Variants in PACS1 observed in about 807,000 individuals in gnomAD.
PACS1 encodes phosphofurin acidic cluster sorting protein 1.
In PACS1, 24 loss-of-function variants were observed where a neutral mutation model predicts 115.0. That is an observed-to-expected ratio of 0.21 (90% CI 0.15 to 0.29). The LOEUF is 0.29. Ranked by LOEUF, PACS1 falls within the 10% of genes least tolerant of loss-of-function variation. PACS1 has a pLI of 1.00. For synonymous variants in PACS1, 453 were observed against 504.5 expected (o/e 0.90, Z 1.37); for missense variants, 838 against 1,251.2 (o/e 0.67, Z 4.98).
intron 1 of PACS1, among the ~76,000 whole-genome samples, chr11:66,192,836 C>G (rs182329793): frequency 6.6e-6 from 1 of 152,320 alleles, no homozygotes; most frequent in East Asian, 1.9e-4. Context: ...GAGGGACAAT[C>G]CTGTCACTTT....
At chr11:66,222,106 A>T (rs537692948) in intron 10 of PACS1, among the ~76,000 whole-genome samples, 1 of 152,128 alleles carries the variant, frequency 6.6e-6, no homozygotes, top group Non-Finnish European at 1.5e-5. Context: ...ACAGAACAAG[A>T]CCTTATCTCA....
At chr11:66,200,169 G>A (rs1161380066) in intron 2 of PACS1, among the ~76,000 whole-genome samples, 1 of 152,088 alleles carries the variant, frequency 6.6e-6, no homozygotes, top group African/African-American at 2.4e-5. Context: ...GGGCAACATA[G>A]TAGGACCTTG....
Position 66,145,384 on chromosome 11 carries a change from G to A in PACS1, c.357-48102G>A, listed in dbSNP as rs540974069. On this transcript the variant is annotated intron_variant, in intron 1 of 23. Transcript: ENST00000320580. ...GGAGCAGGTGAAAAGCCCCTGTCCGGTGGCATTGACAGTGAAAGTAATGAC... is the reference window on the plus strand; with the variant it reads ...GGAGCAGGTGAAAAGCCCCTGTCCGATGGCATTGACAGTGAAAGTAATGAC... Among the ~76,000 whole-genome samples the A allele has an allele frequency of 3.3e-5, 5 of 152,282 alleles. No individual in the cohort carries two copies. The East Asian group carries it at 9.7e-4, about 29-fold the overall frequency.
intron 4 of PACS1, among the ~76,000 whole-genome samples, chr11:66,215,877 G>T (rs953705978): frequency 6.7e-6 from 1 of 149,860 alleles, no homozygotes; most frequent in Non-Finnish European, 1.5e-5. Context: ...TCCAGCCTGG[G>T]CGACAGTGAG....
At chr11:66,218,957 TAGAG>T (rs964663317) in intron 7 of PACS1, among the ~76,000 whole-genome samples, 3 of 150,684 alleles carry the variant, frequency 2.0e-5, no homozygotes, top group East Asian at 2.0e-4. Flanking sequence ...AAGGGTCAAA[TAGAG>T]AGATAAGGCT....
At chr11:66,142,158 T>G (rs1018915104) in intron 1 of PACS1, among the ~76,000 whole-genome samples, 1 of 152,070 alleles carries the variant, frequency 6.6e-6, no homozygotes, top group Non-Finnish European at 1.5e-5. Context: ...TGGGCTCAAC[T>G]GATCCTCTTG....
chr11:66,235,209 C>A lies in PACS1; in HGVS notation c.2105-92C>A. The A allele has an allele frequency of 1.2e-6, 1 of 864,482 alleles. No individual in the cohort carries two copies. The highest frequency in any genetic ancestry group is 1.9e-6 in the Non-Finnish European group (1 of 516,114). The allele number at this position is 864,482 out of a possible 1,614,324, so 53.6% of individuals were successfully genotyped here. ...CCTTCACTCAACTCCTAGAGTCTGACGGGTCTCAGGAAGGGATCCCTCTCC... is the reference window on the plus strand; with the variant it reads ...CCTTCACTCAACTCCTAGAGTCTGAAGGGTCTCAGGAAGGGATCCCTCTCC... On this transcript the variant is annotated intron_variant, in intron 17 of 23. Coordinates refer to ENST00000320580, the MANE Select transcript of PACS1 (RefSeq NM_018026.4). The surrounding 1 kb of genome is among the most constrained non-coding windows in gnomAD (Gnocchi z 5.6).
chr11:66,181,516 A>C lies in PACS1; in HGVS notation c.357-11970A>C, dbSNP rs1443472103. Among the ~76,000 whole-genome samples, 3 of 152,034 alleles carry C rather than the reference A, an allele frequency of 2.0e-5. 1 individual carries two copies. The South Asian group carries it at 6.2e-4, about 32-fold the overall frequency. ...GACGTAAGCCACCCCACCCGGCCCT[A>C]TTGCTCTTTTAAAATTAGTAGTGTA... is the stretch of plus-strand genomic sequence containing the variant. On this transcript the variant is annotated intron_variant, in intron 1 of 23. Transcript: ENST00000320580.
At chr11:66,077,819 C>G (rs1250726182) in intron 1 of PACS1, among the ~76,000 whole-genome samples, 1 of 151,256 alleles carries the variant, frequency 6.6e-6, no homozygotes, top group Non-Finnish European at 1.5e-5. Context: ...TCTCCTGCCT[C>G]AGCCTCCCGA....
intron 2 of PACS1, among the ~76,000 whole-genome samples, chr11:66,197,238 C>T (rs888935724): frequency 1.3e-5 from 2 of 152,128 alleles, no homozygotes; most frequent in African/African-American, 2.4e-5. Flanking sequence ...CTTCTCCCAA[C>T]ACTAATATCT....
chr11:66,103,667 C>T (rs575376668), intron 1 of PACS1, among the ~76,000 whole-genome samples: 161 of 151,970 alleles, frequency 1.1e-3, no homozygotes, highest in African/African-American at 1.9e-3. Context: ...TGCACCACCA[C>T]GCCCAGCTGA....
chr11:66,171,673 A>G (rs1859741366), intron 1 of PACS1, among the ~76,000 whole-genome samples: 1 of 149,432 alleles, frequency 6.7e-6, no homozygotes, highest in Non-Finnish European at 1.5e-5. Flanking sequence ...TCCGCCTCCC[A>G]GGTTCACGCT....
At chr11:66,228,372 C>T (rs1252845667) in intron 11 of PACS1, among the ~76,000 whole-genome samples, 1 of 152,056 alleles carries the variant, frequency 6.6e-6, no homozygotes, top group African/African-American at 2.4e-5. Context: ...CTTATGTTTT[C>T]TATAGTAAAT....
intron 21 of PACS1, 169 bp from the exon 22 acceptor site, chr11:66,241,258 G>A: frequency 1.8e-6 from 1 of 562,994 alleles, no homozygotes; most frequent in Non-Finnish European, 3.2e-6. Context: ...TCTCAGATCA[G>A]CCTGATTCTC....
intron 21 of PACS1, chr11:66,241,216 G>T: frequency 1.9e-6 from 1 of 520,924 alleles, no homozygotes; most frequent in Non-Finnish European, 3.4e-6. Context: ...TTTCCTTTTC[G>T]TGACTTGGGC....
intron 1 of PACS1, 101 bp from the exon 2 acceptor site, chr11:66,193,383 TCA>T: frequency 1.4e-6 from 1 of 729,360 alleles, no homozygotes; most frequent in East Asian, 2.7e-5. Context: ...GACAGCGTTC[TCA>T]CATTCTTACT....
chr11:66,198,019 A>G (rs1280288306), intron 2 of PACS1, among the ~76,000 whole-genome samples: 4 of 152,244 alleles, frequency 2.6e-5, no homozygotes, highest in Non-Finnish European at 4.4e-5. Flanking sequence ...AAACTATGCC[A>G]TCTCCCTCAT....
intron 1 of PACS1, among the ~76,000 whole-genome samples, chr11:66,079,038 G>A (rs1857438613): frequency 6.6e-6 from 1 of 152,184 alleles, no homozygotes; most frequent in Non-Finnish European, 1.5e-5. Context: ...CTCCCAAGTA[G>A]CTGGGATTAC....
chr11:66,188,183 T>A (rs1854431938), intron 1 of PACS1, among the ~76,000 whole-genome samples: 1 of 150,058 alleles, frequency 6.7e-6, no homozygotes, highest in Non-Finnish European at 1.5e-5. Context: ...TTTTTGGCCG[T>A]TGAGATATTT....
Sources: gnomAD v4.1 joint callset for allele counts (sites outside exome capture counted in the v4.1 genomes callset) on GRCh38, gnomAD v4.1.1 for gene constraint, Gnocchi (gnomAD v3.1) non-coding constraint, MANE v1.5 for transcripts, NCBI Gene and HGNC (gene_info 2026-07-23, HGNC 2026-07-21) for gene names.